Variants in HRH3 observed in about 807,000 individuals in gnomAD.
The protein encoded by HRH3 is histamine H3 receptor.
A neutral mutation model predicts 21.6 loss-of-function variants in HRH3; 13 were observed. The ratio of observed to expected loss-of-function variants is 0.60; its 90% confidence interval spans 0.39 to 0.96. The LOEUF is 0.96. HRH3 is among the 40% of genes least tolerant of loss of function. HRH3 has a pLI of 0.00. For missense variants in HRH3, 461 were observed against 622.7 expected, an observed-to-expected ratio of 0.74 and a Z score of 2.76; for synonymous variants, 276 against 290.3, an observed-to-expected ratio of 0.95 and a Z score of 0.50.
chr20:62,217,656 A>C (rs956243743), intron 2 of HRH3, among the ~76,000 whole-genome samples: 3 of 152,016 alleles, frequency 2.0e-5, no homozygotes, highest in Non-Finnish European at 4.4e-5. Flanking sequence ...ACCCTCCCCC[A>C]CCAGCCTGAT....
rs201308420 is a variant in HRH3 at position 62,215,522 on chromosome 20, G to C, written c.*484C>G. The C allele has an allele frequency of 2.2e-6, 1 of 453,958 alleles. No homozygotes were observed. The highest frequency in any genetic ancestry group is 4.4e-6 in the Non-Finnish European group (1 of 225,726). The allele number at this position is 453,958 out of a possible 1,614,324, so 28.1% of individuals were successfully genotyped here. On this transcript the variant is annotated 3_prime_UTR_variant, in exon 3 of 3. Coordinates refer to ENST00000340177, the MANE Select transcript of HRH3 (RefSeq NM_007232.3). ...GAGGGGTGAAAGGGCCAGGCCTGAGGCTTATGCAAGAGACAGAAGGCAGCA... is the reference window on the plus strand; with the variant it reads ...GAGGGGTGAAAGGGCCAGGCCTGAGCCTTATGCAAGAGACAGAAGGCAGCA...
intron 2 of HRH3, among the ~76,000 whole-genome samples, chr20:62,217,220 C>G (rs952220750): frequency 6.6e-6 from 1 of 152,174 alleles, no homozygotes; most frequent in African/African-American, 2.4e-5. Flanking sequence ...TGTGAGCTCC[C>G]TGGGGGTCCT....
intron 2 of HRH3, among the ~76,000 whole-genome samples, chr20:62,217,382 A>G (rs1601122195): frequency 6.6e-6 from 1 of 152,316 alleles, no homozygotes; most frequent in East Asian, 1.9e-4. Context: ...ACTCCTGCAC[A>G]GGTGCTCGCA....
chr20:62,215,055 G>A lies in HRH3; in HGVS notation c.*951C>T, dbSNP rs539882207. On this transcript the variant is annotated 3_prime_UTR_variant, in exon 3 of 3. Transcript: ENST00000340177. ...GAGGAGCATGCAGAGCGCGTGGCAC[G>A]GGTGCACAGCACATGGCGAAGCGGC... The A allele has an allele frequency of 4.0e-5, 12 of 303,172 alleles. No homozygotes were observed. Among genetic ancestry groups the A allele is most frequent in the East Asian group, 1.6e-4 (2 of 12,418 alleles). 18.8% of individuals were successfully genotyped at this position (303,172 alleles called of 1,614,324 possible). A position where few individuals can be genotyped will look rare whatever the true frequency, so the allele number is the denominator to read the frequency against.
Position 62,215,752 on chromosome 20 carries a change from C to T in HRH3, c.*254G>A. The T allele has an allele frequency of 3.6e-6, 2 of 553,200 alleles. No homozygotes were observed. The highest frequency in any genetic ancestry group is 3.0e-5 in the East Asian group (1 of 33,148). The allele number at this position is 553,200 out of a possible 1,614,324, so 34.3% of individuals were successfully genotyped here. On this transcript the variant is annotated 3_prime_UTR_variant, in exon 3 of 3. Coordinates refer to ENST00000340177, the MANE Select transcript of HRH3 (RefSeq NM_007232.3). ...GGGCAGCATGTCTGGGACCTCCAGA[C>T]TGTCCCTCCCGGTGGAGCCAGAATG...
rs1454312793 is a variant in HRH3, at chr20:62,215,749, A to G, written c.*257T>C. 2 of 549,932 alleles carry G rather than the reference A, an allele frequency of 3.6e-6. No homozygotes were observed. Among genetic ancestry groups the G allele is most frequent in the Non-Finnish European group, 6.5e-6 (2 of 305,928 alleles). The allele number at this position is 549,932 out of a possible 1,614,324, so 34.1% of individuals were successfully genotyped here. On this transcript the variant is annotated 3_prime_UTR_variant, in exon 3 of 3. Transcript: ENST00000340177. ...GGTGGGCAGCATGTCTGGGACCTCC[A>G]GACTGTCCCTCCCGGTGGAGCCAGA...
chr20:62,219,665 G>T lies in HRH3; in HGVS notation c.250+56C>A. The T allele has an allele frequency of 6.5e-7, 1 of 1,545,612 alleles. No homozygotes were observed. Among genetic ancestry groups the T allele is most frequent in the East Asian group, 2.6e-5 (1 of 38,082 alleles). ...CCAGGTCCGTGTTCCAGTCCCCGCT[G>T]GCCCGGCCACGCTGGGCGCCCCTGG... On this transcript the variant is annotated intron_variant, in intron 1 of 2. Coordinates refer to ENST00000340177, the MANE Select transcript of HRH3 (RefSeq NM_007232.3). The surrounding 1 kb of genome is among the most constrained non-coding windows in gnomAD (Gnocchi z 8.7).
At chr20:62,217,557 G>A (rs929703534) in intron 2 of HRH3, among the ~76,000 whole-genome samples, 2 of 152,194 alleles carry the variant, frequency 1.3e-5, no homozygotes, top group African/African-American at 4.8e-5. Flanking sequence ...GCAACCAGCT[G>A]GTGGGGGCAG....
Position 62,219,788 on chromosome 20 carries a change from G to C in HRH3, c.183C>G (p.Ala61=), listed in dbSNP as rs1009505922. ...GNALVMLAFV[A]DSSLRTQNNF... The stretch of plus-strand genomic sequence containing the variant: ...TGTTCTGGGTGCGGAGGCTCGAGTC[G>C]GCCACGAAGGCGAGCATGACCAGCG... Residue 61 remains alanine (A), a synonymous_variant, in exon 1 of 3, where the codon GCC becomes GCG. Transcript: ENST00000340177. The surrounding 1 kb of genome is among the most constrained non-coding windows in gnomAD (Gnocchi z 8.7). The C allele has an allele frequency of 1.2e-6, 2 of 1,606,266 alleles. No individual in the cohort carries two copies. Among genetic ancestry groups the C allele is most frequent in the Non-Finnish European group, 1.7e-6 (2 of 1,176,916 alleles).
chr20:62,217,586 G>A (rs1429499954), intron 2 of HRH3, among the ~76,000 whole-genome samples: 1 of 152,128 alleles, frequency 6.6e-6, no homozygotes, highest in Non-Finnish European at 1.5e-5. Flanking sequence ...AGGGCCAAGG[G>A]ATCCCACTGA....
At position 62,219,081 on chromosome 20, in the gene HRH3, G is replaced by A; in HGVS notation, c.251-424C>T. Among the ~76,000 whole-genome samples the A allele has an allele frequency of 6.6e-6, 1 of 151,680 alleles. No individual in the cohort carries two copies. The highest frequency in any genetic ancestry group is 1.9e-4 in the East Asian group (1 of 5,140). ...CAACCCTCGGTCTCAGCTTAGACAA[G>A]GAGAAAGCCTTTCTCCTGGCTGAAA... On this transcript the variant is annotated intron_variant, in intron 1 of 2. Transcript: ENST00000340177. This position sits in a 1 kb window ranked among gnomAD's most constrained non-coding sequence, Gnocchi z 8.7.
Position 62,215,622 on chromosome 20 carries a change from G to A in HRH3, c.*384C>T, listed in dbSNP as rs201430297. 2 of 381,902 alleles carry A rather than the reference G, an allele frequency of 5.2e-6. No homozygotes were observed. The highest frequency in any genetic ancestry group is 5.1e-6 in the Non-Finnish European group (1 of 196,318). The allele number at this position is 381,902 out of a possible 1,614,324, so 23.7% of individuals were successfully genotyped here. On this transcript the variant is annotated 3_prime_UTR_variant, in exon 3 of 3. Transcript: ENST00000340177. ...TGCAGGGGTGTGCAGGTGTGTGCAC[G>A]TGCAGAGGCAAACTGCTAGGGCAGG...
rs199911272 is a variant in HRH3 at position 62,216,380 on chromosome 20, T to C, written c.964A>G (p.Arg322Gly). The change falls in exon 3 of 3, where the codon AGG (arginine) becomes GGG (glycine). Residue 322 changes from arginine to glycine, a missense_variant. Arg to Gly is a moderately radical substitution (Grantham distance 125, BLOSUM62 -2). Coordinates refer to ENST00000340177, the MANE Select transcript of HRH3 (RefSeq NM_007232.3). ...RGTERPRSLK[R>G]GSKPSASSAS... ...GAGGACGCCGACGGCTTGGAGCCCC[T>C]CTTGAGTGAGCGCGGCCTCTCAGTG... The C allele has an allele frequency of 6.4e-6, 10 of 1,560,640 alleles. No individual in the cohort carries two copies. The South Asian group carries it at 1.2e-4, about 18-fold the overall frequency.
chr20:62,216,882 C>G lies in HRH3; in HGVS notation c.462G>C (p.Arg154=), dbSNP rs1439950591. 1 of 1,610,788 alleles carries G rather than the reference C, an allele frequency of 6.2e-7. No homozygotes were observed. The highest frequency in any genetic ancestry group is 1.7e-5 in the Admixed American group (1 of 59,974). The part of the protein sequence containing the change: ...AQQGDTRRAV[R]KMLLVWVLAF... ...CCAGCACCCACACCAGCAGCATCTT[C>G]CGCACTGCCCGCCGCGTGTCACCCT... Residue 154 remains arginine, a synonymous_variant, in exon 3 of 3, where the codon CGG becomes CGC. Coordinates refer to ENST00000340177, the MANE Select transcript of HRH3 (RefSeq NM_007232.3).
At position 62,218,734 on chromosome 20, in the gene HRH3, G is replaced by A. The variant is rs947533082; in HGVS notation, c.251-77C>T. On this transcript the variant is annotated intron_variant, in intron 1 of 2. Transcript: ENST00000340177. This position sits in a 1 kb window ranked among gnomAD's most constrained non-coding sequence, Gnocchi z 5.6. Reference sequence around the variant, plus strand: ...GACGGACCTAAGCGCAGACACCGGCGGGACCTGGGGTCACATGGTGGCTGC... The same window carrying A: ...GACGGACCTAAGCGCAGACACCGGCAGGACCTGGGGTCACATGGTGGCTGC... The A allele has an allele frequency of 3.0e-5, 42 of 1,408,748 alleles. No homozygotes were observed. In the African/African-American group the frequency reaches 4.1e-4, roughly 14 times the overall value. The allele number at this position is 1,408,748 out of a possible 1,614,324, so 87.3% of individuals were successfully genotyped here.
chr20:62,218,243 A>G lies in HRH3; in HGVS notation c.417+248T>C, dbSNP rs1021612626. On this transcript the variant is annotated intron_variant, in intron 2 of 2. Coordinates refer to ENST00000340177, the MANE Select transcript of HRH3 (RefSeq NM_007232.3). The surrounding 1 kb of genome is among the most constrained non-coding windows in gnomAD (Gnocchi z 5.6). ...GCCCCAGGGCGGGGGCTGCAGCGACAGCCCTGCCTTCAGGACCATCTGCAT... is the reference window on the plus strand; with the variant it reads ...GCCCCAGGGCGGGGGCTGCAGCGACGGCCCTGCCTTCAGGACCATCTGCAT... Among the ~76,000 whole-genome samples the G allele has an allele frequency of 1.3e-5, 2 of 152,238 alleles. No individual in the cohort carries two copies. Among genetic ancestry groups the G allele is most frequent in the African/African-American group, 4.8e-5 (2 of 41,466 alleles).
In HRH3 at chr20:62,219,681, G is replaced by T. The variant is rs1978729608; in HGVS notation, c.250+40C>A. 1 of 1,572,586 alleles carries T rather than the reference G, an allele frequency of 6.4e-7. No individual in the cohort carries two copies. Among genetic ancestry groups the T allele is most frequent in the Non-Finnish European group, 8.6e-7 (1 of 1,159,312 alleles). ...GTCCCCGCTGGCCCGGCCACGCTGG[G>T]CGCCCCTGGGTCCCCAGCGGCCAGG... On this transcript the variant is annotated intron_variant, in intron 1 of 2. Coordinates refer to ENST00000340177, the MANE Select transcript of HRH3 (RefSeq NM_007232.3). The surrounding 1 kb of genome is among the most constrained non-coding windows in gnomAD (Gnocchi z 8.7).
rs1448046668 is a variant in HRH3, at chr20:62,215,955, A to G, written c.*51T>C. On this transcript the variant is annotated 3_prime_UTR_variant, in exon 3 of 3. Transcript: ENST00000340177. ...TAGGGGGCAGCAGGGCCAGATGCCC[A>G]GGAGACCTGGGCTGAGAGAGGCGTG... 1 of 1,491,784 alleles carries G rather than the reference A, an allele frequency of 6.7e-7. No homozygotes were observed. Among genetic ancestry groups the G allele is most frequent in the East Asian group, 2.5e-5 (1 of 40,554 alleles). 92.4% of individuals were successfully genotyped at this position (1,491,784 alleles called of 1,614,324 possible). A position where few individuals can be genotyped will look rare whatever the true frequency, so the allele number is the denominator to read the frequency against.
chr20:62,216,548 G>T lies in HRH3; in HGVS notation c.796C>A (p.His266Asn), dbSNP rs749592686. The change falls in exon 3 of 3, where the codon CAC (histidine) becomes AAC (asparagine). Residue 266 changes from histidine (H) to asparagine (N), a missense_variant. Around this residue, in one of 6 missense-constraint regions of HRH3, gnomAD observed 163 missense variants for 139.4 expected, o/e 1.17. Transcript: ENST00000340177. Reference protein sequence around the residue: ...PGCWGCWQKGHGEAMPLHRYG... With the variant: ...PGCWGCWQKGNGEAMPLHRYG... ...CTGTGCAGCGGCATGGCCTCCCCGT[G>T]CCCCTTCTGCCAGCAGCCCCAGCAG... 2.5e-6 allele frequency: 4 copies of T among 1,603,362 alleles called. No individual in the cohort carries two copies. The highest frequency in any genetic ancestry group is 3.4e-4 in the Middle Eastern group (2 of 5,954).
Sources: gnomAD v4.1 joint callset for allele counts (sites outside exome capture counted in the v4.1 genomes callset) on GRCh38, gnomAD v4.1.1 for gene constraint, gnomAD v4.1.1 regional missense constraint, Gnocchi (gnomAD v3.1) non-coding constraint, MANE v1.5 for transcripts, NCBI Gene and HGNC (gene_info 2026-07-23, HGNC 2026-07-21) for gene names.